The following EEPD1 variants were observed in gnomAD, a reference collection of about 807,000 sequenced individuals.
The protein encoded by EEPD1 is endonuclease/exonuclease/phosphatase family domain containing 1.
Under a neutral mutation model 46.3 loss-of-function variants are expected in EEPD1, and 17 were observed. The ratio of observed to expected loss-of-function variants is 0.37; its 90% CI spans 0.25 to 0.55. EEPD1 has a LOEUF of 0.55. EEPD1 is among the 20% of genes least tolerant of loss of function. EEPD1 has a pLI of 0.83. For missense variants in EEPD1, 673 were observed against 745.6 expected (o/e 0.90, Z 1.13); for synonymous variants, 313 against 315.6 (o/e 0.99, Z 0.09).
At chr7:36,258,118 C>T (rs1217187472) in intron 3 of EEPD1, among the ~76,000 whole-genome samples, 1 of 152,174 alleles carries the variant, frequency 6.6e-6, no homozygotes, top group Non-Finnish European at 1.5e-5. Context: ...GCGGGAGGTC[C>T]ACTCCGGACC....
chr7:36,196,906 C>T (rs1462440763), intron 2 of EEPD1, among the ~76,000 whole-genome samples: 1 of 151,004 alleles, frequency 6.6e-6, no homozygotes, highest in Non-Finnish European at 1.5e-5. Context: ...CTCTGCCTGG[C>T]TGCCCAGTCT....
chr7:36,270,058 T>C (rs544155097), intron 3 of EEPD1, among the ~76,000 whole-genome samples: 4 of 152,280 alleles, frequency 2.6e-5, no homozygotes, highest in African/African-American at 9.6e-5. Flanking sequence ...TTAGAAGAGC[T>C]TATGATAACA....
intron 2 of EEPD1, among the ~76,000 whole-genome samples, chr7:36,178,845 C>T (rs1785227019): frequency 6.6e-6 from 1 of 152,178 alleles, no homozygotes; most frequent in Non-Finnish European, 1.5e-5. Flanking sequence ...CTTAATTGCT[C>T]CAGGGAGATA....
intron 3 of EEPD1, among the ~76,000 whole-genome samples, chr7:36,279,891 C>T (rs943796990): frequency 1.3e-5 from 2 of 152,188 alleles, no homozygotes; most frequent in African/African-American, 4.8e-5. Flanking sequence ...TGAATAGCTG[C>T]AGGGTGGGTC....
At chr7:36,219,241 T>C (rs1216731480) in intron 2 of EEPD1, among the ~76,000 whole-genome samples, 2 of 152,052 alleles carry the variant, frequency 1.3e-5, no homozygotes, top group Non-Finnish European at 2.9e-5. Context: ...CCCTAAACTT[T>C]CTTGTAGATT....
chr7:36,174,114 G>A (rs1172125745), intron 2 of EEPD1, among the ~76,000 whole-genome samples: 1 of 152,224 alleles, frequency 6.6e-6, no homozygotes, highest in African/African-American at 2.4e-5. Context: ...GCTGTTGGCT[G>A]CACAGGCTGT....
intron 6 of EEPD1, among the ~76,000 whole-genome samples, chr7:36,294,315 T>C (rs1178738806): frequency 2.0e-5 from 3 of 152,172 alleles, no homozygotes; most frequent in Admixed American, 2.0e-4. Flanking sequence ...ATCAATATGA[T>C]AGAATAAAGC....
intron 2 of EEPD1, among the ~76,000 whole-genome samples, chr7:36,194,351 G>A (rs1785537713): frequency 1.3e-5 from 2 of 152,192 alleles, no homozygotes; most frequent in Admixed American, 6.5e-5. Flanking sequence ...TCAACCTGAG[G>A]CAGGATATTT....
intron 2 of EEPD1, among the ~76,000 whole-genome samples, chr7:36,181,443 G>A (rs1218459589): frequency 1.3e-5 from 2 of 152,132 alleles, no homozygotes; most frequent in African/African-American, 4.8e-5. Context: ...TAAGACAAGC[G>A]ATTATATCTT....
intron 2 of EEPD1, among the ~76,000 whole-genome samples, chr7:36,212,242 G>A (rs1302109181): frequency 6.6e-6 from 1 of 152,170 alleles, no homozygotes; most frequent in Non-Finnish European, 1.5e-5. Context: ...AGTGGGGACT[G>A]TGTTAAGAAA....
rs558130068 is a variant in EEPD1, at chr7:36,242,294, C to G, written c.930+3258C>G. On this transcript the variant is annotated intron_variant, in intron 3 of 7. Transcript: ENST00000242108. The stretch of plus-strand genomic sequence containing the variant: ...ATGTTCTTTCCTATTCCTCTTCCCC[C>G]ACCCTGATTCTCTCTCCCCGAGTCT... Among the ~76,000 whole-genome samples, 9 of 152,258 alleles carry G rather than the reference C, an allele frequency of 5.9e-5. No homozygotes were observed. The South Asian group carries it at 1.7e-3, about 28-fold the overall frequency.
chr7:36,212,287 A>G (rs1031229676), intron 2 of EEPD1, among the ~76,000 whole-genome samples: 2 of 152,090 alleles, frequency 1.3e-5, no homozygotes, highest in African/African-American at 4.8e-5. Context: ...GAGTGTAGCT[A>G]GAAATAGCTT....
intron 3 of EEPD1, among the ~76,000 whole-genome samples, chr7:36,241,095 G>T (rs1292806271): frequency 2.0e-5 from 3 of 152,092 alleles, no homozygotes; most frequent in Admixed American, 1.3e-4. Context: ...TTCCTTGTAT[G>T]TTCTTGAAAC....
chr7:36,244,912 A>G (rs1384313619), intron 3 of EEPD1, among the ~76,000 whole-genome samples: 2 of 149,940 alleles, frequency 1.3e-5, no homozygotes, highest in Non-Finnish European at 3.0e-5. Context: ...AGCTGGGATT[A>G]TAGGTGTCTG....
At chr7:36,245,763 C>T (rs985312979) in intron 3 of EEPD1, among the ~76,000 whole-genome samples, 6 of 152,208 alleles carry the variant, frequency 3.9e-5, no homozygotes, top group Non-Finnish European at 7.3e-5. Context: ...TGACATTGGT[C>T]TGAAAAAGTG....
At chr7:36,281,538 A>G (rs944851798) in intron 4 of EEPD1, among the ~76,000 whole-genome samples, 1 of 152,210 alleles carries the variant, frequency 6.6e-6, no homozygotes, top group African/African-American at 2.4e-5. Flanking sequence ...GTCTTCTGCC[A>G]AGTTTGTGCA....
At chr7:36,177,235 GA>G (rs1243335425) in intron 2 of EEPD1, among the ~76,000 whole-genome samples, 3 of 22,648 alleles carry the variant, frequency 1.3e-4, no homozygotes, top group African/African-American at 2.6e-4. Flanking sequence ...CATCTTACTT[GA>G]GGTTTTTTTT....
At chr7:36,185,146 T>C (rs1246260074) in intron 2 of EEPD1, among the ~76,000 whole-genome samples, 1 of 152,252 alleles carries the variant, frequency 6.6e-6, no homozygotes, top group East Asian at 1.9e-4. Context: ...TGCTGGAAAT[T>C]TGTGTTCCCC....
intron 2 of EEPD1, among the ~76,000 whole-genome samples, chr7:36,199,054 C>G (rs1299716188): frequency 1.3e-5 from 2 of 152,092 alleles, no homozygotes; most frequent in Middle Eastern, 3.4e-3. Flanking sequence ...TTCACACTTA[C>G]CCAGCCAGTC....
Sources: gnomAD v4.1 joint callset for allele counts (sites outside exome capture counted in the v4.1 genomes callset) on GRCh38, gnomAD v4.1.1 for gene constraint, MANE v1.5 for transcripts, NCBI Gene and HGNC (gene_info 2026-07-23, HGNC 2026-07-21) for gene names.